MAN2A1: variants seen among roughly 807,000 people sequenced by gnomAD.
MAN2A1 encodes alpha-mannosidase 2.
In MAN2A1, 76 loss-of-function variants were observed where a neutral mutation model predicts 142.6. The ratio of observed to expected loss-of-function variants is 0.53; its 90% CI spans 0.44 to 0.65. The LOEUF is 0.65. Among genes scored for constraint, MAN2A1 ranks in the 30% least tolerant of loss-of-function variants. The pLI, the probability that MAN2A1 is intolerant of heterozygous loss-of-function variation, is 0.00. For synonymous variants in MAN2A1, 559 were observed against 473.2 expected, an observed-to-expected ratio of 1.18 and a Z score of -2.35; for missense variants, 1,311 against 1,365.1, an observed-to-expected ratio of 0.96 and a Z score of 0.62.
At chr5:109,824,063 T>TAA (rs1356533610) in intron 16 of MAN2A1, among the ~76,000 whole-genome samples, 1 of 152,228 alleles carries the variant, frequency 6.6e-6, no homozygotes, top group Non-Finnish European at 1.5e-5. Flanking sequence ...TTCTCTTAAT[T>TAA]GTTGCCATAT....
chr5:109,819,845 C>T lies in MAN2A1; in HGVS notation c.2286C>T (p.Asn762=). ...CTGAAGAAGGTATAACACTAGAGAACTCCTTTGTTTTACTTCGGTTTGATC... is the reference window on the plus strand; with the variant it reads ...CTGAAGAAGGTATAACACTAGAGAATTCCTTTGTTTTACTTCGGTTTGATC... ...INTEEGITLE[N]SFVLLRFDQT... Residue 762 remains asparagine, a synonymous_variant, in exon 14 of 22, where the codon AAC becomes AAT. Coordinates refer to ENST00000261483, the MANE Select transcript of MAN2A1 (RefSeq NM_002372.4). The T allele has an allele frequency of 6.2e-7, 1 of 1,606,510 alleles. No homozygotes were observed. Among genetic ancestry groups the T allele is most frequent in the Non-Finnish European group, 8.5e-7 (1 of 1,177,174 alleles).
At position 109,784,509 on chromosome 5, in the gene MAN2A1, A is replaced by G. The variant is rs911447897; in HGVS notation, c.1578-235A>G. Among the ~76,000 whole-genome samples the G allele has an allele frequency of 2.0e-5, 3 of 152,154 alleles. No homozygotes were observed. The East Asian group carries it at 5.8e-4, about 29-fold the overall frequency. ...GGCTTCTTTTTCAGGATCATCTAGA[A>G]CAAGGACTCCTGATACCAGTGTAGA... On this transcript the variant is annotated intron_variant, in intron 9 of 21. Transcript: ENST00000261483.
intron 16 of MAN2A1, chr5:109,840,066 G>A (rs1755161351): frequency 1.2e-5 from 2 of 164,102 alleles, no homozygotes; most frequent in Non-Finnish European, 1.3e-5. Context: ...TTCCTCCTCA[G>A]TCATTAACAA....
chr5:109,806,916 A>G (rs767968448), intron 12 of MAN2A1, among the ~76,000 whole-genome samples: 5 of 152,216 alleles, frequency 3.3e-5, no homozygotes, highest in Non-Finnish European at 7.3e-5. Flanking sequence ...TTTCTCCTAA[A>G]TATAGAGAAA....
At chr5:109,782,687 A>G (rs545353450) in intron 9 of MAN2A1, among the ~76,000 whole-genome samples, 2 of 152,248 alleles carry the variant, frequency 1.3e-5, no homozygotes, top group South Asian at 2.1e-4. Flanking sequence ...TATTGTTAAT[A>G]TTGTGCTGCT....
rs1046642495 is a variant in MAN2A1, at chr5:109,832,455, G to A, written c.2566+8618G>A. ...CCCTTAATCCATTTAACCCTGAGTG[G>A]ACACAGCACATGTTTCAGAGAGCAA... On this transcript the variant is annotated intron_variant, in intron 16 of 21. Coordinates refer to ENST00000261483, the MANE Select transcript of MAN2A1 (RefSeq NM_002372.4). 1.4e-4 allele frequency among the ~76,000 whole-genome samples: 22 copies of A among 152,098 alleles called. 1 individual carries two copies. The highest frequency in any genetic ancestry group is 1.4e-3 in the Admixed American group (21 of 15,282).
intron 14 of MAN2A1, 139 bp from the exon 15 acceptor site, chr5:109,820,081 A>C: frequency 1.2e-6 from 1 of 825,676 alleles, no homozygotes; most frequent in East Asian, 2.6e-5. Flanking sequence ...GGGTGGCGCT[A>C]CTCCGTGGTC....
intron 5 of MAN2A1, among the ~76,000 whole-genome samples, chr5:109,756,147 G>A (rs1752682127): frequency 6.6e-6 from 1 of 151,960 alleles, no homozygotes; most frequent in Non-Finnish European, 1.5e-5. Context: ...TGGAGAGCAG[G>A]GTCAGCTGCA....
At chr5:109,714,448 G>A (rs1467611915) in intron 2 of MAN2A1, among the ~76,000 whole-genome samples, 1 of 152,154 alleles carries the variant, frequency 6.6e-6, no homozygotes, top group Non-Finnish European at 1.5e-5. Flanking sequence ...AATTTCAACT[G>A]CTTTGTTTTA....
At chr5:109,846,070 G>A (rs1755337759) in intron 18 of MAN2A1, 64 bp downstream of exon 18, 1 of 1,454,388 alleles carries the variant, frequency 6.9e-7, no homozygotes, top group South Asian at 1.4e-5. Flanking sequence ...TACTTTTTCT[G>A]TTGGTCAGAT....
chr5:109,717,634 A>C (rs724784), intron 3 of MAN2A1, among the ~76,000 whole-genome samples: 66,555 of 151,856 alleles, frequency 0.44, 15,417 homozygotes, highest in African/African-American at 0.6. Context: ...GTACCTTTTA[A>C]ATCAAAACTC....
At chr5:109,780,243 G>A (rs1262851026) in intron 8 of MAN2A1, among the ~76,000 whole-genome samples, 1 of 151,794 alleles carries the variant, frequency 6.6e-6, no homozygotes, top group Non-Finnish European at 1.5e-5. Context: ...TGTATTTTTA[G>A]TAGAGACGGG....
intron 12 of MAN2A1, among the ~76,000 whole-genome samples, chr5:109,791,653 G>C (rs1434405612): frequency 6.6e-6 from 1 of 151,754 alleles, no homozygotes; most frequent in Non-Finnish European, 1.5e-5. Flanking sequence ...TTCCAAGAGA[G>C]TGAAAATTGG....
chr5:109,777,304 TTCTCC>T (rs1753319744), intron 8 of MAN2A1, among the ~76,000 whole-genome samples: 1 of 152,122 alleles, frequency 6.6e-6, no homozygotes, highest in Non-Finnish European at 1.5e-5. Context: ...TATTTTTTAT[TTCTCC>T]TGTGGTTAAT....
intron 1 of MAN2A1, 149 bp downstream of exon 1, chr5:109,690,701 A>G (rs1750642465): frequency 2.2e-6 from 2 of 901,766 alleles, no homozygotes; most frequent in South Asian, 1.6e-5. Flanking sequence ...GACGGCAATG[A>G]TCACCTCCTG....
At chr5:109,802,581 G>A (rs1177457802) in intron 12 of MAN2A1, among the ~76,000 whole-genome samples, 1 of 152,102 alleles carries the variant, frequency 6.6e-6, no homozygotes, top group Non-Finnish European at 1.5e-5. Context: ...GGCATTGATT[G>A]TTACTATCAT....
intron 9 of MAN2A1, among the ~76,000 whole-genome samples, chr5:109,782,408 A>T (rs903010990): frequency 6.6e-6 from 1 of 152,112 alleles, no homozygotes; most frequent in Admixed American, 6.5e-5. Context: ...GTCAATAGCC[A>T]TGTGTGGCTA....
chr5:109,815,176 C>T (rs1480337290), intron 12 of MAN2A1, among the ~76,000 whole-genome samples: 1 of 152,130 alleles, frequency 6.6e-6, no homozygotes, highest in Non-Finnish European at 1.5e-5. Flanking sequence ...AATAATGAAT[C>T]CTGGCCGTTG....
intron 1 of MAN2A1, among the ~76,000 whole-genome samples, chr5:109,708,172 T>A (rs1209206338): frequency 6.6e-6 from 1 of 152,110 alleles, no homozygotes; most frequent in African/African-American, 2.4e-5. Context: ...TAGGGCATGT[T>A]GTATTGGGAA....
Sources: allele counts gnomAD v4.1 joint callset (sites outside exome capture counted in the v4.1 genomes callset), GRCh38; gene constraint gnomAD v4.1.1; transcripts MANE v1.5; gene names NCBI Gene and HGNC (gene_info 2026-07-23, HGNC 2026-07-21).